Variants in STIM2 observed in about 807,000 individuals in gnomAD.
STIM2 encodes stromal interaction molecule 2.
A neutral mutation model predicts 85.8 loss-of-function variants in STIM2; 31 were observed. That is an observed-to-expected ratio of 0.36 (90% confidence interval 0.27 to 0.49). The LOEUF (loss-of-function observed/expected upper bound fraction) is 0.49, where lower values mean the gene tolerates loss of function less well. STIM2 is among the 20% of genes least tolerant of loss of function. The pLI, the probability that STIM2 is intolerant of heterozygous loss-of-function variation, is 0.98. For missense variants in STIM2, 841 were observed against 927.6 expected (o/e 0.91, Z 1.21); for synonymous variants, 356 against 331.1 (o/e 1.08, Z -0.82).
intron 3 of STIM2, 41 bp from the exon 4 acceptor site, chr4:26,995,338 A>T (rs771170794): frequency 4.0e-6 from 4 of 1,005,868 alleles, no homozygotes; most frequent in Admixed American, 2.5e-5. Context: ...TTCTGAAAGC[A>T]GGTGTGTTTA....
At chr4:27,004,139 G>GACATAAGGTCAAC (rs1728254285) in intron 7 of STIM2, among the ~76,000 whole-genome samples, 1 of 152,204 alleles carries the variant, frequency 6.6e-6, no homozygotes, top group Admixed American at 6.5e-5. Flanking sequence ...GTCAACTCAT[G>GACATAAGGTCAAC]AGAATACATT....
At chr4:27,021,800 G>A (rs979699040) in intron 11 of STIM2, among the ~76,000 whole-genome samples, 1 of 152,132 alleles carries the variant, frequency 6.6e-6, no homozygotes, top group Non-Finnish European at 1.5e-5. Context: ...AGGAATGGTG[G>A]ATTTGAGAGA....
At chr4:26,973,924 G>A (rs1231373041) in intron 3 of STIM2, among the ~76,000 whole-genome samples, 1 of 152,196 alleles carries the variant, frequency 6.6e-6, no homozygotes, top group East Asian at 1.9e-4. Context: ...GGTTGCTCCT[G>A]TATTGGGTGC....
At chr4:27,019,703 G>A in intron 11 of STIM2, 1 of 354,372 alleles carries the variant, frequency 2.8e-6, no homozygotes, top group Non-Finnish European at 5.5e-6. Context: ...TTATGAGACG[G>A]AGTCTCGCTC....
intron 1 of STIM2, among the ~76,000 whole-genome samples, chr4:26,909,058 A>G (rs1223930947): frequency 6.6e-6 from 1 of 152,200 alleles, no homozygotes; most frequent in Non-Finnish European, 1.5e-5. Context: ...CAGCCTTGGC[A>G]ACAGAGTGAG....
At chr4:26,900,868 A>C (rs1163168589) in intron 1 of STIM2, among the ~76,000 whole-genome samples, 1 of 152,144 alleles carries the variant, frequency 6.6e-6, no homozygotes, top group Non-Finnish European at 1.5e-5. Context: ...CCTCTCTGTC[A>C]CTGCTGTAGC....
At chr4:26,866,782 C>A (rs1392020318) in intron 1 of STIM2, among the ~76,000 whole-genome samples, 2 of 151,998 alleles carry the variant, frequency 1.3e-5, no homozygotes, top group Non-Finnish European at 2.9e-5. Context: ...CTTGGCATAT[C>A]CATTTTATTA....
chr4:26,888,408 G>T (rs1453633937), intron 1 of STIM2, among the ~76,000 whole-genome samples: 1 of 152,128 alleles, frequency 6.6e-6, no homozygotes, highest in Admixed American at 6.5e-5. Context: ...ATGATGTAAA[G>T]TTAGCTATTA....
intron 2 of STIM2, among the ~76,000 whole-genome samples, chr4:26,930,543 A>G (rs1455068841): frequency 6.6e-6 from 1 of 152,154 alleles, no homozygotes; most frequent in East Asian, 1.9e-4. Context: ...TACTTATCTG[A>G]AAAGTCCATT....
Position 27,023,055 on chromosome 4 carries a change from C to G in STIM2, c.*59C>G. The stretch of plus-strand genomic sequence containing the variant: ...CATCTGTAAACTATTATCCCCCACC[C>G]TCCACTCCCCACCTTTTTTTTGGTT... On this transcript the variant is annotated 3_prime_UTR_variant, in exon 12 of 12. Transcript: ENST00000467087. 1 of 1,476,424 alleles carries G rather than the reference C, an allele frequency of 6.8e-7. No individual in the cohort carries two copies. 91.5% of individuals were successfully genotyped at this position (1,476,424 alleles called of 1,614,324 possible).
chr4:26,923,590 C>G (rs1202817454), intron 2 of STIM2, among the ~76,000 whole-genome samples: 1 of 134,720 alleles, frequency 7.4e-6, no homozygotes, highest in East Asian at 2.2e-4. Flanking sequence ...ATGTAAAGAC[C>G]ATCGAGACTA....
intron 4 of STIM2, among the ~76,000 whole-genome samples, chr4:26,997,321 AC>A (rs1727993170): frequency 6.6e-6 from 1 of 151,976 alleles, no homozygotes; most frequent in South Asian, 2.1e-4. Flanking sequence ...TGACATTAAA[AC>A]CCTTTACATT....
chr4:26,905,410 A>C (rs1211384485), intron 1 of STIM2, among the ~76,000 whole-genome samples: 2 of 152,204 alleles, frequency 1.3e-5, no homozygotes, highest in African/African-American at 4.8e-5. Flanking sequence ...AGGACATCAA[A>C]GGGTGAGGGA....
intron 1 of STIM2, among the ~76,000 whole-genome samples, chr4:26,862,318 G>GTTTT (rs71186494): frequency 1.5e-4 from 22 of 145,618 alleles, no homozygotes; most frequent in South Asian, 1.1e-3. Context: ...TAAAATAATG[G>GTTTT]TTTTTTTTTT....
intron 3 of STIM2, among the ~76,000 whole-genome samples, chr4:26,982,150 A>G (rs1727422103): frequency 1.3e-5 from 2 of 152,284 alleles, no homozygotes; most frequent in African/African-American, 4.8e-5. Flanking sequence ...GTTCTACTAT[A>G]AGGAAGAGAA....
chr4:26,894,394 T>G (rs574882005), intron 1 of STIM2, among the ~76,000 whole-genome samples: 80 of 152,214 alleles, frequency 5.3e-4, no homozygotes, highest in Non-Finnish European at 1.1e-3. Flanking sequence ...TTTTCTATTC[T>G]GTCTTTTATT....
chr4:26,883,606 G>A (rs1723104735), intron 1 of STIM2, among the ~76,000 whole-genome samples: 1 of 152,102 alleles, frequency 6.6e-6, no homozygotes. Flanking sequence ...GGTGGGCAAA[G>A]CAGTTTAACA....
rs553008337 is a variant in STIM2, at chr4:27,003,849, T to C, written c.981+745T>C. On this transcript the variant is annotated intron_variant, in intron 7 of 11. Coordinates refer to ENST00000467087, the MANE Select transcript of STIM2 (RefSeq NM_020860.4). The stretch of plus-strand genomic sequence containing the variant: ...CTCCACTGGTAAAGGCCACCCACAT[T>C]TCTCAGCTCATGCCCCTTCGTCTGT... Among the ~76,000 whole-genome samples, 6 of 152,216 alleles carry C rather than the reference T, an allele frequency of 3.9e-5. No homozygotes were observed. The East Asian group carries it at 1.2e-3, about 29-fold the overall frequency.
At chr4:26,890,190 T>C (rs888832113) in intron 1 of STIM2, among the ~76,000 whole-genome samples, 1 of 152,222 alleles carries the variant, frequency 6.6e-6, no homozygotes, top group Non-Finnish European at 1.5e-5. Context: ...ATCTGTAAAC[T>C]AGGCCCACTT....
Sources: gnomAD v4.1 joint callset for allele counts (sites outside exome capture counted in the v4.1 genomes callset) on GRCh38, gnomAD v4.1.1 for gene constraint, MANE v1.5 for transcripts, NCBI Gene and HGNC (gene_info 2026-07-23, HGNC 2026-07-21) for gene names.